The following SNRNP27 variants were observed in gnomAD, a reference collection of about 807,000 sequenced individuals.
SNRNP27 encodes small nuclear ribonucleoprotein U4/U6.U5 subunit 27.
In SNRNP27, 22 loss-of-function variants were observed where a neutral mutation model predicts 25.1. That is an observed-to-expected ratio of 0.88 (90% CI 0.63 to 1.25). The LOEUF is 1.25. SNRNP27 is among the 50% of genes most tolerant of loss of function. The probability of loss-of-function intolerance (pLI) is 0.00; values close to 1 mark genes in which losing one functional copy is unlikely to be tolerated. For synonymous variants in SNRNP27, 66 were observed against 64.9 expected (o/e 1.02, Z -0.08); for missense variants, 150 against 202.3 (o/e 0.74, Z 1.57).
At chr2:69,895,347 CT>C in intron 2 of SNRNP27, 133 bp downstream of exon 2, 1 of 1,127,564 alleles carries the variant, frequency 8.9e-7, no homozygotes, top group Non-Finnish European at 1.2e-6. Flanking sequence ...TTAATCCAAC[CT>C]TATTCTAAAG....
chr2:69,901,659 A>G lies in SNRNP27; in HGVS notation c.349-1522A>G, dbSNP rs1040445521. On this transcript the variant is annotated intron_variant, in intron 4 of 5. Coordinates refer to ENST00000244227, the MANE Select transcript of SNRNP27 (RefSeq NM_006857.3). ...AGTGAGATCCCATCTCTACAGAAAA[A>G]AAAAATTAAAAATTAGCCCAGCTTG... Among the ~76,000 whole-genome samples the G allele has an allele frequency of 2.0e-5, 3 of 152,146 alleles. No individual in the cohort carries two copies. In the East Asian group the frequency reaches 5.8e-4, roughly 30 times the overall value.
At chr2:69,902,256 CTTCT>C (rs1249360397) in intron 4 of SNRNP27, among the ~76,000 whole-genome samples, 6 of 148,590 alleles carry the variant, frequency 4.0e-5, no homozygotes, top group African/African-American at 1.2e-4. Context: ...TTCCTCCTTC[CTTCT>C]TTCTTCTCCT....
chr2:69,897,502 C>A, intron 4 of SNRNP27, 46 bp downstream of exon 4: 1 of 1,327,356 alleles, frequency 7.5e-7, no homozygotes. Context: ...TATGTTATGA[C>A]TGTCCTATCT....
chr2:69,900,602 G>T (rs77335043), intron 4 of SNRNP27, among the ~76,000 whole-genome samples: 6,471 of 152,286 alleles, frequency 0.042, 215 homozygotes, highest in Non-Finnish European at 0.063. Context: ...GGTCAGAATC[G>T]GTCTTTGCCC....
intron 2 of SNRNP27, among the ~76,000 whole-genome samples, 164 bp downstream of exon 2, chr2:69,895,378 A>C (rs1216657986): frequency 1.3e-5 from 2 of 152,344 alleles, no homozygotes; most frequent in Admixed American, 1.3e-4. Context: ...ACCTTGGTTA[A>C]ATGGTGCTAA....
chr2:69,902,932 C>CT (rs1676732822), intron 4 of SNRNP27, among the ~76,000 whole-genome samples: 1 of 124,118 alleles, frequency 8.1e-6, no homozygotes, highest in African/African-American at 3.5e-5. Context: ...CTCCTTTCTT[C>CT]TTCTTCTTTT....
At chr2:69,900,857 A>G (rs1197560161) in intron 4 of SNRNP27, among the ~76,000 whole-genome samples, 1 of 152,198 alleles carries the variant, frequency 6.6e-6, no homozygotes, top group Non-Finnish European at 1.5e-5. Flanking sequence ...TTTATGATGT[A>G]CATCATGGTT....
intron 4 of SNRNP27, among the ~76,000 whole-genome samples, chr2:69,899,447 C>T (rs996291878): frequency 4.0e-5 from 6 of 151,200 alleles, no homozygotes; most frequent in South Asian, 2.1e-4. Flanking sequence ...TTTATTTTTT[C>T]GAGACAGAGT....
intron 3 of SNRNP27, among the ~76,000 whole-genome samples, chr2:69,897,090 A>G (rs540772542): frequency 2.0e-4 from 30 of 152,278 alleles, no homozygotes; most frequent in Non-Finnish European, 3.1e-4. Flanking sequence ...TCAGAACTAT[A>G]TAGTGTCATG....
At chr2:69,899,283 C>A (rs570100614) in intron 4 of SNRNP27, among the ~76,000 whole-genome samples, 1 of 152,068 alleles carries the variant, frequency 6.6e-6, no homozygotes, top group Admixed American at 6.6e-5. Flanking sequence ...TCAGTTATAA[C>A]GTCAGCTCAT....
intron 3 of SNRNP27, among the ~76,000 whole-genome samples, 162 bp downstream of exon 3, chr2:69,896,710 T>C (rs1676609133): frequency 2.6e-5 from 4 of 151,596 alleles, no homozygotes; most frequent in Admixed American, 2.6e-4. Flanking sequence ...TTCATTCTTG[T>C]CACTCAGACT....
At chr2:69,897,736 A>G in intron 4 of SNRNP27, 1 of 348,476 alleles carries the variant, frequency 2.9e-6, no homozygotes, top group South Asian at 3.2e-5. Context: ...GCTCATGAAA[A>G]TGCCATGTAG....
At chr2:69,899,717 A>G (rs1261434332) in intron 4 of SNRNP27, among the ~76,000 whole-genome samples, 1 of 152,154 alleles carries the variant, frequency 6.6e-6, no homozygotes, top group African/African-American at 2.4e-5. Context: ...GGCGTGAGAC[A>G]TTGCGCCCGG....
rs796737823 is a variant in SNRNP27 at position 69,902,938 on chromosome 2, C to T, written c.349-243C>T. On this transcript the variant is annotated intron_variant, in intron 4 of 5. Transcript: ENST00000244227. ...TCCTTTCTCCTCCTTTCTTCTTCTT[C>T]TTTTTTTTTTTTTTTTTTTTTTGAG... 3.6e-3 allele frequency among the ~76,000 whole-genome samples: 334 copies of T among 92,458 alleles called. 6 individuals are homozygous for T. Among genetic ancestry groups the T allele is most frequent in the African/African-American group, 0.015 (309 of 20,798 alleles). The allele number at this position is 92,458 out of a possible 152,430, so 60.7% of individuals were successfully genotyped here. A position where few individuals can be genotyped will look rare whatever the true frequency, so the allele number is the denominator to read the frequency against.
In SNRNP27 at chr2:69,893,996, T is replaced by C; in HGVS notation, c.12T>C (p.Ser4=). The change falls in exon 1 of 6, where the codon AGT becomes AGC. Residue 4 remains serine (S), a synonymous_variant. Transcript: ENST00000244227. ...AAGCGGGACTCCAAATGGGTCGCAG[T>C]CGCAGCCGCTCTCCACGGAGGGGTG... MGR[S]RSRSPRRERR... 1 of 1,614,044 alleles carries C rather than the reference T, an allele frequency of 6.2e-7. No homozygotes were observed. Among genetic ancestry groups the C allele is most frequent in the South Asian group, 1.1e-5 (1 of 91,074 alleles).
chr2:69,902,737 G>GCTGCTGCTGCTTCTGTTTATTCTGCTA (rs1361453679), intron 4 of SNRNP27, among the ~76,000 whole-genome samples: 1 of 151,634 alleles, frequency 6.6e-6, no homozygotes, highest in Non-Finnish European at 1.5e-5. Flanking sequence ...AGTTTCTTCT[G>GCTGCTGCTGCTTCTGTTTATTCTGCTA]CTGCTGCTGC....
chr2:69,896,501 AAAAG>A lies in SNRNP27; in HGVS notation c.229_232del (p.Glu77GlnfsTer16). The A allele has an allele frequency of 1.9e-6, 3 of 1,609,746 alleles. No individual in the cohort carries two copies. Among genetic ancestry groups the A allele is most frequent in the South Asian group, 1.1e-5 (1 of 91,018 alleles). On this transcript the variant is annotated frameshift_variant, in exon 3 of 6. Coordinates refer to ENST00000244227, the MANE Select transcript of SNRNP27 (RefSeq NM_006857.3). LOFTEE classifies it high-confidence loss of function. Reference sequence around the variant, plus strand: ...CGACTGAAAGAAAGAAGAGATGAGGAAAAGAAAGAAACAAAAGAAACAAAGAGCA... The same window carrying A: ...CGACTGAAAGAAAGAAGAGATGAGGAAAAGAAACAAAAGAAACAAAGAGCA...
chr2:69,895,240 T>C (rs778179995), intron 2 of SNRNP27, 26 bp downstream of exon 2: 3 of 1,606,266 alleles, frequency 1.9e-6, no homozygotes, highest in Non-Finnish European at 2.5e-6. Flanking sequence ...AAGCCAAGAG[T>C]TTTATTTACC....
intron 1 of SNRNP27, 54 bp from the exon 2 acceptor site, chr2:69,895,040 C>T: frequency 6.2e-7 from 1 of 1,606,954 alleles, no homozygotes; most frequent in Non-Finnish European, 8.5e-7. Flanking sequence ...GACGGCGCAG[C>T]TCTAGATATT....
Sources: gnomAD v4.1 joint callset for allele counts (sites outside exome capture counted in the v4.1 genomes callset) on GRCh38, gnomAD v4.1.1 for gene constraint, MANE v1.5 for transcripts, NCBI Gene and HGNC (gene_info 2026-07-23, HGNC 2026-07-21) for gene names.